Variants in NFIX observed in about 807,000 individuals in gnomAD.
NFIX encodes nuclear factor I X.
A neutral mutation model predicts 53.3 loss-of-function variants in NFIX; 2 were observed. That is an observed-to-expected ratio of 0.04 (90% CI 0.02 to 0.12). The LOEUF is 0.12. NFIX is among the 10% of genes least tolerant of loss of function. NFIX has a pLI of 1.00. For missense variants in NFIX, 310 were observed against 674.5 expected (o/e 0.46, Z 5.99); for synonymous variants, 244 against 289.0 (o/e 0.84, Z 1.58).
intron 2 of NFIX, chr19:13,070,125 C>T (rs2016683126): frequency 6.6e-6 from 1 of 151,996 alleles, no homozygotes; most frequent in Non-Finnish European, 1.5e-5. Context: ...CCTTGCCTCC[C>T]CAGGAGCTGC....
rs1014325970 is a variant in NFIX at position 13,025,901 on chromosome 19, A to G, written c.559+349A>G. 3.8e-4 allele frequency among the ~76,000 whole-genome samples: 58 copies of G among 152,222 alleles called. No homozygotes were observed. The highest frequency in any genetic ancestry group is 1.1e-3 in the African/African-American group (45 of 41,456). On this transcript the variant is annotated intron_variant, in intron 2 of 10. Transcript: ENST00000592199. This position sits in a 1 kb window ranked among gnomAD's most constrained non-coding sequence, Gnocchi z 7.5. The stretch of plus-strand genomic sequence containing the variant: ...TGGTGAGAGTTTGAGATGAACAACA[A>G]CAGCAAACCAGTAATTGCTCTTATT...
intron 1 of NFIX, among the ~76,000 whole-genome samples, chr19:13,015,083 T>C (rs561949398): frequency 3.9e-5 from 6 of 152,340 alleles, no homozygotes; most frequent in African/African-American, 1.4e-4. Context: ...GAGCTTTTTA[T>C]GTATTTGCTT....
In NFIX at chr19:13,061,798, TA is replaced by T. The variant is rs922745726; in HGVS notation, c.560-11240del. ...TATAAAACTCAAAGTTAAAATATGTTAAAAAAAAATCTGTAAAAATCCCCAC... is the reference window on the plus strand; with the variant it reads ...TATAAAACTCAAAGTTAAAATATGTTAAAAAAAATCTGTAAAAATCCCCAC... On this transcript the variant is annotated intron_variant, in intron 2 of 10. Coordinates refer to ENST00000592199, the MANE Select transcript of NFIX (RefSeq NM_001365902.3). Among the ~76,000 whole-genome samples, 442 of 151,784 alleles carry T rather than the reference TA, an allele frequency of 2.9e-3. 6 individuals are homozygous for T. Among genetic ancestry groups the T allele is most frequent in the African/African-American group, 9.6e-3 (397 of 41,384 alleles).
chr19:13,021,411 A>C lies in NFIX; in HGVS notation c.28-3610A>C, dbSNP rs1016914043. ...TCTCCCATTGTCAGGGTTCAGCGCCAGCCCAGGGCTGGATGTTTTATTTTG... is the reference window on the plus strand; with the variant it reads ...TCTCCCATTGTCAGGGTTCAGCGCCCGCCCAGGGCTGGATGTTTTATTTTG... On this transcript the variant is annotated intron_variant, in intron 1 of 10. Coordinates refer to ENST00000592199, the MANE Select transcript of NFIX (RefSeq NM_001365902.3). This position sits in a 1 kb window ranked among gnomAD's most constrained non-coding sequence, Gnocchi z 4.2. Among the ~76,000 whole-genome samples the C allele has an allele frequency of 2.0e-5, 3 of 152,136 alleles. No individual in the cohort carries two copies. Among genetic ancestry groups the C allele is most frequent in the Non-Finnish European group, 2.9e-5 (2 of 68,006 alleles).
At chr19:13,050,710 G>A (rs767669296) in intron 2 of NFIX, among the ~76,000 whole-genome samples, 2 of 152,116 alleles carry the variant, frequency 1.3e-5, no homozygotes, top group South Asian at 2.1e-4. Context: ...CCTGGGTGTC[G>A]GTGGCCTCAT....
chr19:13,039,138 T>C (rs1379612875), intron 2 of NFIX, among the ~76,000 whole-genome samples: 1 of 152,100 alleles, frequency 6.6e-6, no homozygotes, highest in Non-Finnish European at 1.5e-5. Flanking sequence ...CACTTATTTA[T>C]GGTATCGTGG....
rs2013304593 is a variant in NFIX, at chr19:13,025,894, A to C, written c.559+342A>C. ...TCCATGATGGTGAGAGTTTGAGATG[A>C]ACAACAACAGCAAACCAGTAATTGC... On this transcript the variant is annotated intron_variant, in intron 2 of 10. Coordinates refer to ENST00000592199, the MANE Select transcript of NFIX (RefSeq NM_001365902.3). The surrounding 1 kb of genome is among the most constrained non-coding windows in gnomAD (Gnocchi z 7.5). 1.3e-5 allele frequency among the ~76,000 whole-genome samples: 2 copies of C among 152,220 alleles called. No individual in the cohort carries two copies. The highest frequency in any genetic ancestry group is 2.9e-5 in the Non-Finnish European group (2 of 68,042).
intron 1 of NFIX, among the ~76,000 whole-genome samples, chr19:13,007,036 C>T (rs1568254889): frequency 6.6e-6 from 1 of 152,218 alleles, no homozygotes; most frequent in Non-Finnish European, 1.5e-5. Flanking sequence ...AAGGGCCGGG[C>T]TGCCTCTTCC....
chr19:13,007,345 G>C (rs1260433166), intron 1 of NFIX, among the ~76,000 whole-genome samples: 2 of 152,106 alleles, frequency 1.3e-5, no homozygotes, highest in African/African-American at 4.8e-5. Flanking sequence ...TCTGGGGTTG[G>C]GGGGCACATG....
intron 2 of NFIX, among the ~76,000 whole-genome samples, chr19:13,058,742 C>T (rs2015871652): frequency 6.6e-6 from 1 of 152,024 alleles, no homozygotes; most frequent in Admixed American, 6.6e-5. Context: ...GGCCCGGATA[C>T]TGCAGGGAGA....
intron 2 of NFIX, among the ~76,000 whole-genome samples, chr19:13,057,283 G>A (rs1301729740): frequency 1.3e-5 from 2 of 152,230 alleles, no homozygotes; most frequent in Non-Finnish European, 2.9e-5. Flanking sequence ...AGCGGGGAGC[G>A]AGCAGGAGTG....
chr19:13,033,253 G>T (rs964306788), intron 2 of NFIX, among the ~76,000 whole-genome samples: 4 of 152,140 alleles, frequency 2.6e-5, no homozygotes, highest in African/African-American at 9.7e-5. Context: ...GGAGGAGGAG[G>T]GCCTAGGGAG....
rs1276982067 is a variant in NFIX at position 13,040,452 on chromosome 19, G to A, written c.559+14900G>A. On this transcript the variant is annotated intron_variant, in intron 2 of 10. Transcript: ENST00000592199. The surrounding 1 kb of genome is among the most constrained non-coding windows in gnomAD (Gnocchi z 4.2). ...TCCCTGCCACGCTAGCCTGGTGGATGCCCTGCGGCAGGGATTGGCAGGGAT... is the reference window on the plus strand; with the variant it reads ...TCCCTGCCACGCTAGCCTGGTGGATACCCTGCGGCAGGGATTGGCAGGGAT... Among the ~76,000 whole-genome samples, 1 of 152,252 alleles carries A rather than the reference G, an allele frequency of 6.6e-6. No homozygotes were observed. The highest frequency in any genetic ancestry group is 2.4e-5 in the African/African-American group (1 of 41,464).
Position 13,072,450 on chromosome 19 carries a change from G to A in NFIX, c.560-597G>A, listed in dbSNP as rs1407552257. 3.9e-5 allele frequency among the ~76,000 whole-genome samples: 6 copies of A among 152,226 alleles called. No homozygotes were observed. Among genetic ancestry groups the A allele is most frequent in the Non-Finnish European group, 7.3e-5 (5 of 68,046 alleles). On this transcript the variant is annotated intron_variant, in intron 2 of 10. Coordinates refer to ENST00000592199, the MANE Select transcript of NFIX (RefSeq NM_001365902.3). This position sits in a 1 kb window ranked among gnomAD's most constrained non-coding sequence, Gnocchi z 4.0. Reference sequence around the variant, plus strand: ...CTGGGTTGCCAGGCACTGCCTCTGAGCATAAAGGTGAGGTGGGGGAGGCGC... The same window carrying A: ...CTGGGTTGCCAGGCACTGCCTCTGAACATAAAGGTGAGGTGGGGGAGGCGC...
At chr19:13,016,986 A>G (rs1358464858) in intron 1 of NFIX, among the ~76,000 whole-genome samples, 1 of 152,178 alleles carries the variant, frequency 6.6e-6, no homozygotes, top group Non-Finnish European at 1.5e-5. Flanking sequence ...TGAAAGGACT[A>G]GTGAACCGTG....
At chr19:13,076,662 A>G (rs543479215) in intron 6 of NFIX, among the ~76,000 whole-genome samples, 25 of 152,300 alleles carry the variant, frequency 1.6e-4, no homozygotes, top group African/African-American at 6.0e-4. Flanking sequence ...TCCTCCTCCA[A>G]AAGGTGAGGG....
Position 13,011,629 on chromosome 19 carries a change from C to G in NFIX, c.28-13392C>G, listed in dbSNP as rs2012354402. Among the ~76,000 whole-genome samples the G allele has an allele frequency of 6.6e-6, 1 of 152,200 alleles. No homozygotes were observed. Among genetic ancestry groups the G allele is most frequent in the Admixed American group, 6.5e-5 (1 of 15,284 alleles). On this transcript the variant is annotated intron_variant, in intron 1 of 10. Transcript: ENST00000592199. The surrounding 1 kb of genome is among the most constrained non-coding windows in gnomAD (Gnocchi z 6.5). ...CCCGGCTGGAGAAAGTTAGATGGTACTCCAGCGTCTCCTCCGGGTCCCCGG... is the reference window on the plus strand; with the variant it reads ...CCCGGCTGGAGAAAGTTAGATGGTAGTCCAGCGTCTCCTCCGGGTCCCCGG...
chr19:13,062,213 T>C (rs559515670), intron 2 of NFIX, among the ~76,000 whole-genome samples: 7 of 152,308 alleles, frequency 4.6e-5, no homozygotes, highest in African/African-American at 1.7e-4. Context: ...GCAAGTATGT[T>C]CAGTCCTGTG....
chr19:13,026,816 C>T (rs1165263792), intron 2 of NFIX, among the ~76,000 whole-genome samples: 1 of 151,392 alleles, frequency 6.6e-6, no homozygotes, highest in African/African-American at 2.4e-5. Flanking sequence ...TTTCCTTCTT[C>T]CTCTCTTTAT....
Sources: allele counts gnomAD v4.1 joint callset (sites outside exome capture counted in the v4.1 genomes callset), GRCh38; gene constraint gnomAD v4.1.1; non-coding constraint Gnocchi (gnomAD v3.1); transcripts MANE v1.5; gene names NCBI Gene and HGNC (gene_info 2026-07-23, HGNC 2026-07-21).